The following SLC17A8 variants were observed in gnomAD, a reference collection of about 807,000 sequenced individuals.
SLC17A8 encodes vesicular glutamate transporter 3.
In SLC17A8, 31 loss-of-function variants were observed where a neutral mutation model predicts 58.0. The ratio of observed to expected loss-of-function variants is 0.53; its 90% confidence interval spans 0.40 to 0.72. The LOEUF is 0.72. Ranked by LOEUF, SLC17A8 falls within the 30% of genes least tolerant of loss-of-function variation. The pLI is 0.00. For missense variants in SLC17A8, 655 were observed against 727.8 expected (o/e 0.90, Z 1.15); for synonymous variants, 228 against 249.0 (o/e 0.92, Z 0.79).
chr12:100,406,421 C>A (rs190829337), intron 9 of SLC17A8, among the ~76,000 whole-genome samples: 2 of 152,032 alleles, frequency 1.3e-5, no homozygotes, highest in Non-Finnish European at 2.9e-5. Context: ...GAGACGGGAT[C>A]GGGATGTTTT....
At chr12:100,399,297 G>C (rs550229575) in intron 5 of SLC17A8, among the ~76,000 whole-genome samples, 31 of 152,242 alleles carry the variant, frequency 2.0e-4, no homozygotes, top group Admixed American at 4.6e-4. Context: ...TGCAGTAAGG[G>C]CTGAGTGCCC....
At chr12:100,413,513 A>C (rs769590577) in intron 10 of SLC17A8, among the ~76,000 whole-genome samples, 3 of 152,032 alleles carry the variant, frequency 2.0e-5, no homozygotes, top group Non-Finnish European at 2.9e-5. Flanking sequence ...TCTCACAACT[A>C]CCCTGCTGGG....
chr12:100,387,752 A>T (rs180942017), intron 2 of SLC17A8, among the ~76,000 whole-genome samples: 17 of 152,304 alleles, frequency 1.1e-4, no homozygotes, highest in Non-Finnish European at 2.1e-4. Flanking sequence ...TAGGCAGATG[A>T]GAGGTTTTGT....
intron 10 of SLC17A8, among the ~76,000 whole-genome samples, chr12:100,416,769 G>A (rs924971669): frequency 1.3e-5 from 2 of 152,220 alleles, no homozygotes; most frequent in Non-Finnish European, 1.5e-5. Flanking sequence ...TGGTTTACAC[G>A]TCTATGCACC....
chr12:100,415,853 G>T (rs765346924), intron 10 of SLC17A8, among the ~76,000 whole-genome samples: 40 of 152,164 alleles, frequency 2.6e-4, no homozygotes, highest in Non-Finnish European at 5.3e-4. Flanking sequence ...GAGTGAAGTG[G>T]CTGGGAGTGT....
chr12:100,375,858 A>C lies in SLC17A8; in HGVS notation c.102-4843A>C, dbSNP rs1952591355. Among the ~76,000 whole-genome samples, 2 of 152,210 alleles carry C rather than the reference A, an allele frequency of 1.3e-5. 1 individual carries two copies. Among genetic ancestry groups the C allele is most frequent in the South Asian group, 4.1e-4 (2 of 4,834 alleles). ...CCATTACGATTAGCCCAGTTTAGAG[A>C]TAGGGATTCTTATGGGCTGAATTGT... On this transcript the variant is annotated intron_variant, in intron 1 of 11. Coordinates refer to ENST00000323346, the MANE Select transcript of SLC17A8 (RefSeq NM_139319.3).
intron 3 of SLC17A8, among the ~76,000 whole-genome samples, chr12:100,393,013 T>C (rs1293204896): frequency 6.6e-6 from 1 of 152,210 alleles, no homozygotes; most frequent in African/African-American, 2.4e-5. Context: ...TTGTTCATAG[T>C]TGGTCCAGGG....
At chr12:100,378,932 T>C (rs1444340333) in intron 1 of SLC17A8, among the ~76,000 whole-genome samples, 19 of 152,192 alleles carry the variant, frequency 1.2e-4, no homozygotes, top group Admixed American at 1.1e-3. Flanking sequence ...CATCCAGTAA[T>C]TATAGCTGCT....
In SLC17A8 at chr12:100,419,929, A is replaced by G. The variant is rs1210870588; in HGVS notation, c.1540A>G (p.Asn514Asp). 6.2e-7 allele frequency: 1 copy of G among 1,614,122 alleles called. No homozygotes were observed. The highest frequency in any genetic ancestry group is 1.7e-5 in the Admixed American group (1 of 60,010). The change falls in exon 12 of 12, where the codon AAT becomes GAT. Residue 514 changes from asparagine (N) to aspartate (D), a missense_variant. Coordinates refer to ENST00000323346, the MANE Select transcript of SLC17A8 (RefSeq NM_139319.3). ...GEKQEWADPENLSEEKCGIID... is the reference protein window; with the variant it reads ...GEKQEWADPEDLSEEKCGIID... Reference sequence around the variant, plus strand: ...GAAACAGGAGTGGGCTGACCCAGAGAATCTCTCTGAGGAGAAATGTGGAAT... The same window carrying G: ...GAAACAGGAGTGGGCTGACCCAGAGGATCTCTCTGAGGAGAAATGTGGAAT...
intron 1 of SLC17A8, among the ~76,000 whole-genome samples, chr12:100,368,274 C>CA (rs1266426856): frequency 1.3e-5 from 2 of 152,162 alleles, no homozygotes; most frequent in African/African-American, 2.4e-5. Flanking sequence ...GCTGGGAATC[C>CA]CAGGCGTGCC....
intron 1 of SLC17A8, among the ~76,000 whole-genome samples, chr12:100,357,860 TTA>T (rs1018083809): frequency 2.0e-4 from 31 of 152,350 alleles, no homozygotes; most frequent in African/African-American, 6.5e-4. Flanking sequence ...GAAATAATTT[TTA>T]TGTTTTTCAC....
chr12:100,413,038 T>TCCCAAGCCCA (rs2136014967), intron 10 of SLC17A8, among the ~76,000 whole-genome samples, 158 bp downstream of exon 10: 1 of 152,332 alleles, frequency 6.6e-6, no homozygotes, highest in East Asian at 1.9e-4. Flanking sequence ...GGGGTGATTT[T>TCCCAAGCCCA]GTAAGATCAC....
chr12:100,379,211 C>T (rs551829510), intron 1 of SLC17A8, among the ~76,000 whole-genome samples: 42 of 151,958 alleles, frequency 2.8e-4, no homozygotes, highest in African/African-American at 9.2e-4. Flanking sequence ...CCAAGGTGGG[C>T]GGATCACGAG....
chr12:100,369,151 C>T (rs1952542308), intron 1 of SLC17A8, among the ~76,000 whole-genome samples: 2 of 152,252 alleles, frequency 1.3e-5, no homozygotes, highest in East Asian at 1.9e-4. Flanking sequence ...TGGTACGTGC[C>T]TGTAATCCCA....
intron 1 of SLC17A8, among the ~76,000 whole-genome samples, chr12:100,360,574 A>G (rs1165447352): frequency 6.6e-6 from 1 of 152,228 alleles, no homozygotes; most frequent in African/African-American, 2.4e-5. Context: ...TGCTAGGATT[A>G]CAGGCATGAG....
At position 100,412,859 on chromosome 12, in the gene SLC17A8, T is replaced by C; in HGVS notation, c.1276T>C (p.Phe426Leu). Residue 426 changes from phenylalanine (F) to leucine (L), a missense_variant, in exon 10 of 12, where the codon TTT (phenylalanine) becomes CTT (leucine). Phe to Leu is a conservative substitution (Grantham distance 22). Coordinates refer to ENST00000323346, the MANE Select transcript of SLC17A8 (RefSeq NM_139319.3). ...AISFLVLAVG[F>L]SGFAISGFNV... Reference sequence around the variant, plus strand: ...CTCCTTTCTGGTACTTGCTGTAGGATTTAGTGGCTTCGCTATTTCAGGTAA... The same window carrying C: ...CTCCTTTCTGGTACTTGCTGTAGGACTTAGTGGCTTCGCTATTTCAGGTAA... 1 of 1,613,846 alleles carries C rather than the reference T, an allele frequency of 6.2e-7. No homozygotes were observed. The highest frequency in any genetic ancestry group is 8.5e-7 in the Non-Finnish European group (1 of 1,179,810).
chr12:100,365,632 A>C (rs61940555), intron 1 of SLC17A8, among the ~76,000 whole-genome samples: 15,071 of 152,244 alleles, frequency 0.099, 929 homozygotes, highest in Non-Finnish European at 0.14. Context: ...TTCAAAGCAC[A>C]ATAACTTTTC....
Position 100,380,875 on chromosome 12 carries a change from C to A in SLC17A8, c.276C>A (p.Ile92=), listed in dbSNP as rs200427520. 6 of 1,613,982 alleles carry A rather than the reference C, an allele frequency of 3.7e-6. No homozygotes were observed. The highest frequency in any genetic ancestry group is 1.1e-5 in the South Asian group (1 of 91,082). ...TGGGATTCTGCATTTCCTTTGGGATCCGGTGCAATCTTGGAGTTGCCATTG... is the reference window on the plus strand; with the variant it reads ...TGGGATTCTGCATTTCCTTTGGGATACGGTGCAATCTTGGAGTTGCCATTG... The part of the protein sequence containing the change: ...SGLGFCISFG[I]RCNLGVAIVE... Residue 92 remains isoleucine, a synonymous_variant, in exon 2 of 12, where the codon ATC becomes ATA. Transcript: ENST00000323346.
intron 1 of SLC17A8, among the ~76,000 whole-genome samples, chr12:100,367,541 A>C (rs1952528133): frequency 6.6e-6 from 1 of 151,986 alleles, no homozygotes; most frequent in Non-Finnish European, 1.5e-5. Context: ...ATAATTTTTT[A>C]TTCTTTTATT....
Sources: allele counts gnomAD v4.1 joint callset (sites outside exome capture counted in the v4.1 genomes callset), GRCh38; gene constraint gnomAD v4.1.1; transcripts MANE v1.5; gene names NCBI Gene and HGNC (gene_info 2026-07-23, HGNC 2026-07-21).